The following TET1 variants were observed in gnomAD, a reference collection of about 807,000 sequenced individuals.
The protein encoded by TET1 is tet methylcytosine dioxygenase 1.
TET1 carries 13 observed loss-of-function variants against 148.7 expected under a neutral mutation model. The ratio of observed to expected loss-of-function variants is 0.09; its 90% CI spans 0.06 to 0.14. The LOEUF is 0.14. Among genes scored for constraint, TET1 ranks in the 10% least tolerant of loss-of-function variants. The pLI is 1.00. For synonymous variants in TET1, 907 were observed against 937.2 expected, an observed-to-expected ratio of 0.97 and a Z score of 0.59; for missense variants, 2,182 against 2,553.8, an observed-to-expected ratio of 0.85 and a Z score of 3.14.
At chr10:68,647,151 T>C (rs2054862919) in intron 4 of TET1, 146 bp downstream of exon 4, 1 of 921,530 alleles carries the variant, frequency 1.1e-6, no homozygotes, top group Non-Finnish European at 1.5e-6. Context: ...TCTATAACCA[T>C]TTTTCTGTGG....
chr10:68,595,005 G>GA (rs1402772548), intron 2 of TET1, among the ~76,000 whole-genome samples: 7 of 146,052 alleles, frequency 4.8e-5, no homozygotes, highest in South Asian at 4.4e-4. Flanking sequence ...AAGAAGAAAA[G>GA]AAAAAAAAAA....
At chr10:68,635,704 C>G (rs577390750) in intron 3 of TET1, among the ~76,000 whole-genome samples, 361 of 152,212 alleles carry the variant, frequency 2.4e-3, no homozygotes, top group African/African-American at 8.4e-3. Flanking sequence ...TTAGAGTCCT[C>G]TAGGGCCTGG....
At chr10:68,611,091 G>A (rs559482002) in intron 3 of TET1, among the ~76,000 whole-genome samples, 55 of 152,164 alleles carry the variant, frequency 3.6e-4, no homozygotes, top group Admixed American at 1.8e-3. Flanking sequence ...TCAGGAGTTC[G>A]AGACAGGCCT....
intron 1 of TET1, among the ~76,000 whole-genome samples, chr10:68,567,953 A>G (rs1272746753): frequency 6.6e-6 from 1 of 151,476 alleles, no homozygotes; most frequent in Non-Finnish European, 1.5e-5. Flanking sequence ...ATCTTGGCTC[A>G]CCGCAACTTC....
chr10:68,647,021 C>G lies in TET1; in HGVS notation c.4276+16C>G, dbSNP rs2133096452. On this transcript the variant is annotated intron_variant, in intron 4 of 11. Coordinates refer to ENST00000373644, the MANE Select transcript of TET1 (RefSeq NM_030625.3). ...AGCTGTCTTGGTGAGTACTTGTGTG[C>G]ATGTGTTCTTATTTCACCTGCACAA... The G allele has an allele frequency of 1.3e-6, 2 of 1,584,528 alleles. No homozygotes were observed. The highest frequency in any genetic ancestry group is 8.6e-7 in the Non-Finnish European group (1 of 1,165,744).
chr10:68,654,328 G>A (rs969393851), intron 6 of TET1, among the ~76,000 whole-genome samples: 2 of 151,804 alleles, frequency 1.3e-5, no homozygotes, highest in African/African-American at 4.8e-5. Context: ...TGAAATTAAG[G>A]GGATAGGCCA....
chr10:68,611,772 T>C (rs1442389628), intron 3 of TET1, among the ~76,000 whole-genome samples: 2 of 148,650 alleles, frequency 1.3e-5, no homozygotes, highest in Non-Finnish European at 3.0e-5. Flanking sequence ...CGATCTCCGC[T>C]CACTGCAACC....
chr10:68,588,679 T>C lies in TET1; in HGVS notation c.1915-12302T>C, dbSNP rs193085841. On this transcript the variant is annotated intron_variant, in intron 2 of 11. Transcript: ENST00000373644. ...CTTCATTTCACACAAAAAACAAAAATGTTAACATGATTTAAATACTTCAAA... is the reference window on the plus strand; with the variant it reads ...CTTCATTTCACACAAAAAACAAAAACGTTAACATGATTTAAATACTTCAAA... Among the ~76,000 whole-genome samples the C allele has an allele frequency of 6.6e-5, 10 of 152,282 alleles. No individual in the cohort carries two copies. In the East Asian group the frequency reaches 1.9e-3, roughly 29 times the overall value.
At chr10:68,654,459 T>C (rs2054991463) in intron 6 of TET1, among the ~76,000 whole-genome samples, 1 of 151,264 alleles carries the variant, frequency 6.6e-6, no homozygotes, top group African/African-American at 2.4e-5. Flanking sequence ...CTACTAAAAA[T>C]AGAAAAAATT....
At chr10:68,670,716 C>T (rs2055261672) in intron 7 of TET1, among the ~76,000 whole-genome samples, 1 of 152,076 alleles carries the variant, frequency 6.6e-6, no homozygotes, top group South Asian at 2.1e-4. Flanking sequence ...TTAATTTATT[C>T]TATTCAAAAT....
chr10:68,690,532 G>A (rs559733692), intron 11 of TET1, among the ~76,000 whole-genome samples: 4 of 152,226 alleles, frequency 2.6e-5, no homozygotes, highest in Admixed American at 6.5e-5. Flanking sequence ...GGCATGAGCC[G>A]AGATCGTGCC....
chr10:68,602,710 G>A (rs2054072866), intron 3 of TET1, among the ~76,000 whole-genome samples: 3 of 152,130 alleles, frequency 2.0e-5, no homozygotes, highest in Admixed American at 2.0e-4. Context: ...AAGTGCCTGT[G>A]GGTGGCCACA....
In TET1 at chr10:68,682,901, G is replaced by A. The variant is rs2055455850; in HGVS notation, c.4980G>A (p.Gly1660=). The change falls in exon 10 of 12, where the codon GGG becomes GGA. Residue 1660 remains glycine, a synonymous_variant. Transcript: ENST00000373644. ...GCAAGGAAGGTCGTCCCTTCTCTGG[G>A]GTCACTGCTTGCCTGGACTTCTGTG... ...LGSKEGRPFS[G]VTACLDFCAH... is the part of the protein sequence containing the mutation. The A allele has an allele frequency of 1.2e-6, 2 of 1,613,640 alleles. No homozygotes were observed. The highest frequency in any genetic ancestry group is 1.1e-5 in the South Asian group (1 of 90,986).
chr10:68,600,853 T>TA, intron 2 of TET1, 128 bp from the exon 3 acceptor site: 1 of 745,294 alleles, frequency 1.3e-6, no homozygotes. Flanking sequence ...AGGTTCTGCC[T>TA]AGCAAACATG....
intron 3 of TET1, among the ~76,000 whole-genome samples, chr10:68,639,402 A>T (rs533709848): frequency 2.8e-5 from 4 of 144,552 alleles, no homozygotes; most frequent in Admixed American, 1.4e-4. Flanking sequence ...AGCTCGGGTG[A>T]CAGAGCAAGA....
intron 3 of TET1, among the ~76,000 whole-genome samples, chr10:68,638,264 A>G (rs566864026): frequency 1.3e-5 from 2 of 152,238 alleles, no homozygotes; most frequent in Non-Finnish European, 2.9e-5. Context: ...AGTTTTTTCC[A>G]AAAACACTCA....
chr10:68,628,487 TG>T (rs1318333690), intron 3 of TET1, among the ~76,000 whole-genome samples: 5 of 152,210 alleles, frequency 3.3e-5, no homozygotes, highest in African/African-American at 1.2e-4. Flanking sequence ...ATTTTGAGCC[TG>T]GGGGACAAGC....
In TET1 at chr10:68,661,818, A is replaced by ACAC. The variant is rs1554809964; in HGVS notation, c.4462-5227_4462-5226insCAC. ...TTTCTTTTCTTTTCTTTGTTAAAAA[A>ACAC]ACACACACACACACAAAAAACCAAG... On this transcript the variant is annotated intron_variant, in intron 6 of 11. Transcript: ENST00000373644. Among the ~76,000 whole-genome samples, 627 of 150,666 alleles carry ACAC rather than the reference A, an allele frequency of 4.2e-3. 2 individuals are homozygous for ACAC. Among genetic ancestry groups the ACAC allele is most frequent in the African/African-American group, 0.014 (586 of 40,890 alleles).
rs780895678 is a variant in TET1, at chr10:68,645,755, A to C, written c.3026A>C (p.Lys1009Thr). The change falls in exon 4 of 12, where the codon AAA becomes ACA. Residue 1009 changes from lysine (K) to threonine (T), a missense_variant. By Grantham distance (78) the Lys-to-Thr change is moderately conservative. Transcript: ENST00000373644. ...AATTCATTATCTCTTTTTATACCAA[A>C]ATCAAATTCATCCAAGATTGACACC... ...VTNSLSLFIP[K>T]SNSSKIDTNK... 2 of 1,614,064 alleles carry C rather than the reference A, an allele frequency of 1.2e-6. No homozygotes were observed. The highest frequency in any genetic ancestry group is 8.5e-7 in the Non-Finnish European group (1 of 1,180,044).
Sources: allele counts gnomAD v4.1 joint callset (sites outside exome capture counted in the v4.1 genomes callset), GRCh38; gene constraint gnomAD v4.1.1; transcripts MANE v1.5; gene names NCBI Gene and HGNC (gene_info 2026-07-23, HGNC 2026-07-21).